The following RTN4R variants were observed in gnomAD, a reference collection of about 807,000 sequenced individuals.
The protein encoded by RTN4R is reticulon-4 receptor.
RTN4R carries 4 observed loss-of-function variants against 27.7 expected under a neutral mutation model. The observed-to-expected ratio is 0.14, with a 90% CI of 0.07 to 0.33. RTN4R has a LOEUF of 0.33. Among genes scored for constraint, RTN4R ranks in the 10% least tolerant of loss-of-function variants. The pLI is 1.00. For missense variants in RTN4R, 554 were observed against 671.5 expected (o/e 0.83, Z 1.93); for synonymous variants, 290 against 305.6 (o/e 0.95, Z 0.53).
intron 1 of RTN4R, among the ~76,000 whole-genome samples, chr22:20,261,576 C>T (rs1452484541): frequency 3.3e-5 from 5 of 152,198 alleles, no homozygotes; most frequent in South Asian, 4.1e-4. Context: ...CTTGTGCAGC[C>T]GGCTGGGCCA....
rs1015943019 is a variant in RTN4R, at chr22:20,255,098, G to A, written c.23-11988C>T. 6.6e-6 allele frequency among the ~76,000 whole-genome samples: 1 copy of A among 152,340 alleles called. No individual in the cohort carries two copies. Among genetic ancestry groups the A allele is most frequent in the East Asian group, 1.9e-4 (1 of 5,180 alleles). ...ACTGGCAAAGCCAGGGAACAGAGGC[G>A]ACAGTGGCTGCCTCCCAGGAGGACG... On this transcript the variant is annotated intron_variant, in intron 1 of 1. Coordinates refer to ENST00000043402, the MANE Select transcript of RTN4R (RefSeq NM_023004.6). This position sits in a 1 kb window ranked among gnomAD's most constrained non-coding sequence, Gnocchi z 4.8.
chr22:20,251,367 A>C (rs990537644), intron 1 of RTN4R, among the ~76,000 whole-genome samples: 7 of 152,156 alleles, frequency 4.6e-5, no homozygotes, highest in African/African-American at 1.7e-4. Flanking sequence ...CCCTCCTTGC[A>C]AACAGGATGC....
intron 1 of RTN4R, among the ~76,000 whole-genome samples, chr22:20,254,037 C>A (rs1462341616): frequency 6.6e-6 from 1 of 152,094 alleles, no homozygotes; most frequent in Non-Finnish European, 1.5e-5. Flanking sequence ...CTTCCCAAAG[C>A]TGAGTACCCA....
intron 1 of RTN4R, among the ~76,000 whole-genome samples, chr22:20,250,077 C>T (rs1177592165): frequency 2.0e-5 from 3 of 152,212 alleles, no homozygotes; most frequent in East Asian, 3.8e-4. Context: ...CAGCACTCCC[C>T]AGGGGATGAG....
chr22:20,245,344 C>G (rs2051134307), intron 1 of RTN4R, among the ~76,000 whole-genome samples: 1 of 152,256 alleles, frequency 6.6e-6, no homozygotes, highest in Non-Finnish European at 1.5e-5. Flanking sequence ...AGCCTGGCCC[C>G]CCTTGGGGCC....
intron 1 of RTN4R, among the ~76,000 whole-genome samples, chr22:20,254,838 C>T (rs933163602): frequency 9.9e-5 from 15 of 152,082 alleles, no homozygotes; most frequent in Admixed American, 2.0e-4. Flanking sequence ...AAGAGTAAGC[C>T]CATGAGGGTG....
rs1332111039 is a variant in RTN4R at position 20,242,718 on chromosome 22, G to A, written c.415C>T (p.Arg139Cys). The change falls in exon 2 of 2, where the codon CGC (arginine) becomes TGC (cysteine). Residue 139 changes from arginine (R) to cysteine (C), a missense_variant. Physicochemically the swap from Arg to Cys is radical, Grantham distance 180 (BLOSUM62 -3). This residue lies in a region of RTN4R where 413 missense variants were observed against 542.3 expected (regional missense o/e 0.76). Coordinates refer to ENST00000043402, the MANE Select transcript of RTN4R (RefSeq NM_023004.6). ...GGGCCCAGCTCCTGCAGGCCGCAGC[G>A]GTCCAGGTGCAGCGTGTGTAGGCGG... ...LGRLHTLHLDRCGLQELGPGL... is the reference protein window; with the variant it reads ...LGRLHTLHLDCCGLQELGPGL... The A allele has an allele frequency of 2.5e-6, 4 of 1,612,528 alleles. No individual in the cohort carries two copies. The highest frequency in any genetic ancestry group is 1.7e-6 in the Non-Finnish European group (2 of 1,179,650).
In RTN4R at chr22:20,242,732, G is replaced by A. The variant is rs531252716; in HGVS notation, c.401C>T (p.Thr134Met). The A allele has an allele frequency of 1.1e-5, 18 of 1,612,586 alleles. No individual in the cohort carries two copies. The highest frequency in any genetic ancestry group is 5.3e-5 in the African/African-American group (4 of 75,058). Residue 134 changes from threonine (T) to methionine (M), a missense_variant, in exon 2 of 2, where the codon ACG (threonine) becomes ATG (methionine). Around this residue, in one of 2 missense-constraint regions of RTN4R, gnomAD observed 413 missense variants for 542.3 expected, o/e 0.76. Coordinates refer to ENST00000043402, the MANE Select transcript of RTN4R (RefSeq NM_023004.6). ...ATFHGLGRLH[T>M]LHLDRCGLQE... Reference sequence around the variant, plus strand: ...CAGGCCGCAGCGGTCCAGGTGCAGCGTGTGTAGGCGGCCCAGGCCGTGGAA... The same window carrying A: ...CAGGCCGCAGCGGTCCAGGTGCAGCATGTGTAGGCGGCCCAGGCCGTGGAA...
intron 1 of RTN4R, among the ~76,000 whole-genome samples, chr22:20,260,753 G>A (rs2051241311): frequency 6.6e-6 from 1 of 152,028 alleles, no homozygotes; most frequent in East Asian, 1.9e-4. Context: ...TGCAAGGCCA[G>A]CACAAGTGAA....
At position 20,241,849 on chromosome 22, in the gene RTN4R, G is replaced by A; in HGVS notation, c.1284C>T (p.His428=). Residue 428 remains histidine, a synonymous_variant, in exon 2 of 2, where the codon CAC becomes CAT. Transcript: ENST00000043402. The stretch of plus-strand genomic sequence containing the variant: ...CGCTGCCTGCCTGGCCCAGACGGCA[G>A]TGGCTGCGGGTGCGGTTCTTGCGTG... The part of the protein sequence containing the change: ...GCSRKNRTRS[H]CRLGQAGSGG... 1.9e-6 allele frequency: 3 copies of A among 1,608,784 alleles called. No homozygotes were observed. The highest frequency in any genetic ancestry group is 2.5e-6 in the Non-Finnish European group (3 of 1,178,540).
At chr22:20,264,089 G>A (rs12166236) in intron 1 of RTN4R, among the ~76,000 whole-genome samples, 1,768 of 152,264 alleles carry the variant, frequency 0.012, 34 homozygotes, top group African/African-American at 0.04. Flanking sequence ...CCCAAGCATC[G>A]GGGGAGAGGC....
chr22:20,266,381 C>T (rs1226104368), intron 1 of RTN4R, among the ~76,000 whole-genome samples: 1 of 152,250 alleles, frequency 6.6e-6, no homozygotes, highest in African/African-American at 2.4e-5. Context: ...TGCAGCATGG[C>T]ATCCATCTGC....
intron 1 of RTN4R, among the ~76,000 whole-genome samples, chr22:20,258,580 C>T (rs1024313935): frequency 9.2e-5 from 14 of 152,206 alleles, no homozygotes; most frequent in Non-Finnish European, 1.5e-4. Context: ...ATGTTGAACA[C>T]GGTGGACCCC....
intron 1 of RTN4R, among the ~76,000 whole-genome samples, chr22:20,252,032 T>C: frequency 7.6e-6 from 1 of 132,010 alleles, no homozygotes; most frequent in Non-Finnish European, 1.6e-5. Context: ...CCCATCACTA[T>C]CATCACCATC....
intron 1 of RTN4R, among the ~76,000 whole-genome samples, chr22:20,262,072 A>G (rs1012187436): frequency 6.6e-6 from 1 of 152,140 alleles, no homozygotes; most frequent in African/African-American, 2.4e-5. Context: ...GACAGAGGCC[A>G]GGTCTGAGGA....
At chr22:20,248,331 G>C (rs1408872433) in intron 1 of RTN4R, among the ~76,000 whole-genome samples, 1 of 152,176 alleles carries the variant, frequency 6.6e-6, no homozygotes, top group Non-Finnish European at 1.5e-5. Flanking sequence ...AAAAGGTCTT[G>C]CTGGGCAGTA....
At chr22:20,264,189 G>A (rs1413875839) in intron 1 of RTN4R, among the ~76,000 whole-genome samples, 1 of 152,248 alleles carries the variant, frequency 6.6e-6, no homozygotes, top group African/African-American at 2.4e-5. Context: ...CCAGCTCCAC[G>A]GCTGCAGGCA....
intron 1 of RTN4R, chr22:20,267,660 G>T (rs782310710): frequency 2.1e-6 from 1 of 466,050 alleles, no homozygotes; most frequent in South Asian, 1.6e-5. Flanking sequence ...GGGTGGAGGC[G>T]GCCCGACACC....
intron 1 of RTN4R, among the ~76,000 whole-genome samples, chr22:20,259,161 A>G (rs115307663): frequency 0.036 from 5,487 of 152,204 alleles, 334 homozygotes; most frequent in African/African-American, 0.12. Context: ...TGCCCCACCC[A>G]TCACCCATCA....
Sources: gnomAD v4.1 joint callset for allele counts (sites outside exome capture counted in the v4.1 genomes callset) on GRCh38, gnomAD v4.1.1 for gene constraint, gnomAD v4.1.1 regional missense constraint, Gnocchi (gnomAD v3.1) non-coding constraint, MANE v1.5 for transcripts, NCBI Gene and HGNC (gene_info 2026-07-23, HGNC 2026-07-21) for gene names.